The following CHLSN variants were observed in gnomAD, a reference collection of about 807,000 sequenced individuals.
CHLSN encodes the protein protein cholesin.
At chr7:993,921 T>G in the CHLSN span, among the ~76,000 whole-genome samples, 1 of 146,524 alleles carries the variant, frequency 6.8e-6, no homozygotes, top group African/African-American at 2.5e-5. Context: ...TGCAAGAAAC[T>G]GCTCAGAGGC....
At chr7:1,016,738 C>CA in the CHLSN span, among the ~76,000 whole-genome samples, 14 of 103,932 alleles carry the variant, frequency 1.3e-4, no homozygotes, top group African/African-American at 4.6e-4. Flanking sequence ...GCAGCACACG[C>CA]CAGCGCACAG....
At chr7:1,058,519 C>A in the CHLSN span, 1 of 776,634 alleles carries the variant, frequency 1.3e-6, no homozygotes, top group East Asian at 2.4e-5. Context: ...CTGGCGTAGG[C>A]GGCCCAGCCC....
At chr7:1,053,763 G>C in the CHLSN span, among the ~76,000 whole-genome samples, 3 of 152,272 alleles carry the variant, frequency 2.0e-5, no homozygotes, top group African/African-American at 7.2e-5. Flanking sequence ...GGAGGCGGAG[G>C]TTGCAGTGAG....
At chr7:979,632 G>A in the CHLSN span, among the ~76,000 whole-genome samples, 7 of 152,032 alleles carry the variant, frequency 4.6e-5, no homozygotes, top group South Asian at 2.1e-4. Context: ...AGTGCCTGTA[G>A]TCCCAGCTAC....
At chr7:1,118,359 A>G in the CHLSN span, among the ~76,000 whole-genome samples, 1 of 152,236 alleles carries the variant, frequency 6.6e-6, no homozygotes, top group Non-Finnish European at 1.5e-5. Flanking sequence ...AAGAGAATCA[A>G]TTGACAATAG....
chr7:1,114,140 C>A, the CHLSN span, among the ~76,000 whole-genome samples: 1 of 152,230 alleles, frequency 6.6e-6, no homozygotes, highest in Non-Finnish European at 1.5e-5. Flanking sequence ...CACAATAAAC[C>A]CAGAGTCCTG....
At chr7:1,003,008 TG>T in the CHLSN span, among the ~76,000 whole-genome samples, 1 of 50,962 alleles carries the variant, frequency 2.0e-5, no homozygotes, top group South Asian at 1.5e-3. Context: ...TGGGGAGTCC[TG>T]TGGGTGAGTG....
the CHLSN span, among the ~76,000 whole-genome samples, chr7:1,050,529 G>C: frequency 6.6e-6 from 1 of 152,204 alleles, no homozygotes; most frequent in Non-Finnish European, 1.5e-5. Flanking sequence ...CCTGAGCCTG[G>C]GGCTCCCAGC....
chr7:1,134,979 C>T, the CHLSN span, among the ~76,000 whole-genome samples: 2 of 152,220 alleles, frequency 1.3e-5, no homozygotes, highest in African/African-American at 4.8e-5. Flanking sequence ...AAACACCCTA[C>T]CACAATGACA....
chr7:1,051,407 G>A, the CHLSN span, among the ~76,000 whole-genome samples: 1 of 152,250 alleles, frequency 6.6e-6, no homozygotes, highest in Non-Finnish European at 1.5e-5. Context: ...TTCCCGCACA[G>A]CGTGGGGAGC....
At chr7:989,772 T>C in the CHLSN span, 3,987 of 195,088 alleles carry the variant, frequency 0.02, 179 homozygotes, top group African/African-American at 0.089. Flanking sequence ...AGAGCGAGAT[T>C]CCATCTCAAA....
chr7:1,047,202 G>A, the CHLSN span, among the ~76,000 whole-genome samples: 1 of 152,214 alleles, frequency 6.6e-6, no homozygotes. Context: ...GCAGGCACAG[G>A]TGCCCAGCCC....
the CHLSN span, among the ~76,000 whole-genome samples, chr7:1,041,519 G>A: frequency 1.3e-5 from 2 of 152,194 alleles, no homozygotes; most frequent in African/African-American, 4.8e-5. Context: ...ACAACACCAC[G>A]TTTTACTAAC....
chr7:1,049,166 G>A, the CHLSN span, among the ~76,000 whole-genome samples: 3 of 152,338 alleles, frequency 2.0e-5, no homozygotes, highest in Admixed American at 2.0e-4. Context: ...GGGGTGTGAC[G>A]GGGCCCATGT....
the CHLSN span, chr7:1,057,344 A>G: frequency 6.8e-6 from 4 of 591,124 alleles, no homozygotes; most frequent in Admixed American, 3.0e-5. Context: ...GCTCAACTTC[A>G]CTTTCACAGA....
chr7:1,013,698 G>A, the CHLSN span, among the ~76,000 whole-genome samples: 3 of 152,174 alleles, frequency 2.0e-5, no homozygotes, highest in Non-Finnish European at 2.9e-5. Context: ...AGGAAGCACC[G>A]GCCTGTCACA....
the CHLSN span, among the ~76,000 whole-genome samples, chr7:1,068,273 C>G: frequency 6.6e-6 from 1 of 152,166 alleles, no homozygotes; most frequent in Non-Finnish European, 1.5e-5. Flanking sequence ...GGCACGGAGG[C>G]TGGAACCCAG....
the CHLSN span, among the ~76,000 whole-genome samples, chr7:1,023,305 G>A: frequency 2.6e-5 from 4 of 152,196 alleles, no homozygotes; most frequent in East Asian, 3.9e-4. This position sits in a 1 kb window ranked among gnomAD's most constrained non-coding sequence, Gnocchi z 5.0. Flanking sequence ...GCCCACACCC[G>A]CCACCGCGGG....
At chr7:1,080,562 A>G in the CHLSN span, among the ~76,000 whole-genome samples, 1 of 152,200 alleles carries the variant, frequency 6.6e-6, no homozygotes, top group Non-Finnish European at 1.5e-5. Context: ...CGGGCAGAGG[A>G]GTCTGGAACA....
Sources: gnomAD v4.1 joint callset for allele counts (sites outside exome capture counted in the v4.1 genomes callset) on GRCh38, gnomAD v4.1.1 for gene constraint, Gnocchi (gnomAD v3.1) non-coding constraint, MANE v1.5 for transcripts, NCBI Gene and HGNC (gene_info 2026-07-23, HGNC 2026-07-21) for gene names.